CFAP54: variants seen among roughly 807,000 people sequenced by gnomAD.
The protein encoded by CFAP54 is cilia- and flagella-associated protein 54.
In CFAP54, 290 loss-of-function variants were observed where a neutral mutation model predicts 370.4. The ratio of observed to expected loss-of-function variants is 0.78; its 90% CI spans 0.71 to 0.86. The LOEUF is 0.86. Ranked by LOEUF, CFAP54 falls within the 40% of genes least tolerant of loss-of-function variation. The pLI is 0.00. For synonymous variants in CFAP54, 1,206 were observed against 1,236.5 expected (o/e 0.98, Z 0.52); for missense variants, 3,399 against 3,528.7 (o/e 0.96, Z 0.93).
chr12:96,794,904 G>C (rs1019276992), intron 63 of CFAP54, among the ~76,000 whole-genome samples: 5 of 152,184 alleles, frequency 3.3e-5, no homozygotes, highest in African/African-American at 1.2e-4. Context: ...AGGGGCTTCT[G>C]TTGAGATTCT....
chr12:96,786,745 GT>G lies in CFAP54; in HGVS notation c.8528del (p.Leu2843Ter), dbSNP rs1958633600. The G allele has an allele frequency of 6.5e-7, 1 of 1,535,836 alleles. No individual in the cohort carries two copies. The highest frequency in any genetic ancestry group is 8.7e-7 in the Non-Finnish European group (1 of 1,146,856). On this transcript the variant is annotated frameshift_variant, in exon 62 of 68. Transcript: ENST00000524981. LOFTEE classifies it high-confidence loss of function. ...TTCTCACATCCCTTTACAACTCTGA[GT>G]TGATTTTGCGCCAGAAAGAAGTGCA... ...TLLTSLYNSE[L>X]ILRQKEVHFF...
At chr12:96,590,327 A>G (rs1181684090) in intron 23 of CFAP54, among the ~76,000 whole-genome samples, 3 of 152,144 alleles carry the variant, frequency 2.0e-5, no homozygotes, top group African/African-American at 7.2e-5. Flanking sequence ...TAAAATTACT[A>G]TCCTTCGTCT....
intron 65 of CFAP54, among the ~76,000 whole-genome samples, chr12:96,826,802 A>G (rs1959115757): frequency 8.8e-6 from 1 of 113,506 alleles, no homozygotes; most frequent in Non-Finnish European, 1.6e-5. Flanking sequence ...ATATATAATT[A>G]TATATTATAC....
At chr12:96,672,034 A>C (rs12425901) in intron 39 of CFAP54, among the ~76,000 whole-genome samples, 17,320 of 152,268 alleles carry the variant, frequency 0.11, 1,288 homozygotes, top group Middle Eastern at 0.22. Flanking sequence ...TTGCTTTTCA[A>C]GTAACTTAGC....
At chr12:96,553,792 G>C (rs903636306) in intron 15 of CFAP54, among the ~76,000 whole-genome samples, 1 of 151,790 alleles carries the variant, frequency 6.6e-6, no homozygotes, top group Non-Finnish European at 1.5e-5. Flanking sequence ...TCTAGTCTGA[G>C]ATTCTGAAAT....
chr12:96,500,661 C>A (rs1451464617), intron 1 of CFAP54, among the ~76,000 whole-genome samples, 173 bp from the exon 2 acceptor site: 1 of 152,110 alleles, frequency 6.6e-6, no homozygotes, highest in East Asian at 1.9e-4. Context: ...ATGCTTGGTA[C>A]ATAGGAAGCA....
rs1471203634 is a variant in CFAP54 at position 96,786,859 on chromosome 12, C to T, written c.8640C>T (p.Pro2880=). The change falls in exon 62 of 68, where the codon CCC becomes CCT. Residue 2880 remains proline (P), a synonymous_variant. Transcript: ENST00000524981. ...PKELLCQLEN[P]PLSEKDLRES... is the part of the protein sequence containing the mutation. ...AACTTCTTTGTCAACTGGAAAATCC[C>T]CCTCTTTCAGAAAAAGACTTACGTG... 1 of 1,535,014 alleles carries T rather than the reference C, an allele frequency of 6.5e-7. No individual in the cohort carries two copies. Among genetic ancestry groups the T allele is most frequent in the South Asian group, 1.2e-5 (1 of 83,900 alleles).
chr12:96,638,418 A>C (rs1310318342), intron 32 of CFAP54, among the ~76,000 whole-genome samples: 1 of 149,046 alleles, frequency 6.7e-6, no homozygotes, highest in Non-Finnish European at 1.5e-5. Context: ...TTTTTTTTTA[A>C]TTGTAGAGAT....
chr12:96,793,651 T>G (rs1043115919), intron 63 of CFAP54, among the ~76,000 whole-genome samples: 5 of 152,228 alleles, frequency 3.3e-5, no homozygotes, highest in Admixed American at 6.5e-5. Context: ...ATAGTGGTTG[T>G]ACTAGTTTAC....
intron 49 of CFAP54, among the ~76,000 whole-genome samples, chr12:96,719,332 A>G (rs915617860): frequency 3.9e-5 from 6 of 152,222 alleles, no homozygotes; most frequent in African/African-American, 1.4e-4. Context: ...GTTCTTAAAC[A>G]TTATACTGAA....
At chr12:96,849,211 G>T (rs774185009) in intron 66 of CFAP54, among the ~76,000 whole-genome samples, 46 of 152,320 alleles carry the variant, frequency 3.0e-4, no homozygotes, top group Non-Finnish European at 6.0e-4. Flanking sequence ...ATGTGAGAAT[G>T]CTGGATGAAA....
Position 96,833,649 on chromosome 12 carries a change from T to C in CFAP54, c.9171+4561T>C, listed in dbSNP as rs768009654. On this transcript the variant is annotated intron_variant, in intron 66 of 67. Coordinates refer to ENST00000524981, the MANE Select transcript of CFAP54 (RefSeq NM_001306084.2). ...TGTTATCCTAGGTCAAGATATCAGA[T>C]GTATTATATAAGGAGATTGCAAAGC... Among the ~76,000 whole-genome samples, 15 of 152,142 alleles carry C rather than the reference T, an allele frequency of 9.9e-5. 1 individual carries two copies. Among genetic ancestry groups the C allele is most frequent in the African/African-American group, 2.6e-4 (11 of 41,514 alleles).
intron 30 of CFAP54, among the ~76,000 whole-genome samples, chr12:96,628,419 T>C (rs1367564995): frequency 6.6e-6 from 1 of 152,112 alleles, no homozygotes; most frequent in African/African-American, 2.4e-5. Context: ...GCAAAGACTG[T>C]AGTCTAAATG....
chr12:96,833,971 T>G (rs1302131955), intron 66 of CFAP54, among the ~76,000 whole-genome samples: 1 of 152,206 alleles, frequency 6.6e-6, no homozygotes, highest in African/African-American at 2.4e-5. Context: ...ATAGGAAAAT[T>G]TAGCAGAATG....
At position 96,644,266 on chromosome 12, in the gene CFAP54, A is replaced by G. The variant is rs560242361; in HGVS notation, c.4405A>G (p.Arg1469Gly). Residue 1469 changes from arginine (R) to glycine (G), a missense_variant, in exon 33 of 68, where the codon AGG becomes GGG. Coordinates refer to ENST00000524981, the MANE Select transcript of CFAP54 (RefSeq NM_001306084.2). ...AATATTAAGTTATGTTAAAAGAAAG[A>G]GGTTCCATCGTCTATCACTTGAAGA... ...PLILSYVKRK[R>G]FHRLSLEEMP... 1 of 1,535,864 alleles carries G rather than the reference A, an allele frequency of 6.5e-7. No individual in the cohort carries two copies. Among genetic ancestry groups the G allele is most frequent in the African/African-American group, 1.4e-5 (1 of 73,152 alleles).
At chr12:96,585,004 C>T (rs960567079) in intron 22 of CFAP54, among the ~76,000 whole-genome samples, 3 of 151,544 alleles carry the variant, frequency 2.0e-5, no homozygotes, top group Admixed American at 6.6e-5. Context: ...GATTGGCCCA[C>T]CCAGTATAAT....
At chr12:96,615,847 A>C (rs1213321361) in intron 26 of CFAP54, among the ~76,000 whole-genome samples, 1 of 152,246 alleles carries the variant, frequency 6.6e-6, no homozygotes, top group African/African-American at 2.4e-5. Flanking sequence ...GGTGATCATT[A>C]AAAAGTCAGG....
At chr12:96,671,703 C>A (rs1230335028) in intron 39 of CFAP54, among the ~76,000 whole-genome samples, 3 of 152,156 alleles carry the variant, frequency 2.0e-5, no homozygotes, top group Non-Finnish European at 2.9e-5. Context: ...GAGTGGATTG[C>A]TTGAGGTCAG....
Position 96,644,173 on chromosome 12 carries a change from G to A in CFAP54, c.4317-5G>A, listed in dbSNP as rs1305576692. The A allele has an allele frequency of 4.6e-6, 7 of 1,512,902 alleles. No homozygotes were observed. The highest frequency in any genetic ancestry group is 2.8e-5 in the African/African-American group (2 of 72,204). 93.7% of individuals were successfully genotyped at this position (1,512,902 alleles called of 1,614,324 possible). A position where few individuals can be genotyped will look rare whatever the true frequency, so the allele number is the denominator to read the frequency against. On this transcript the variant is annotated splice_polypyrimidine_tract_variant and splice_region_variant and intron_variant, in intron 32 of 67. Transcript: ENST00000524981. The stretch of plus-strand genomic sequence containing the variant: ...TAATTTCAAAACTTCTTTCTCCCTT[G>A]GCAGAAATAGGAGAACCAGTGTTAG...
Sources: gnomAD v4.1 joint callset for allele counts (sites outside exome capture counted in the v4.1 genomes callset) on GRCh38, gnomAD v4.1.1 for gene constraint, MANE v1.5 for transcripts, NCBI Gene and HGNC (gene_info 2026-07-23, HGNC 2026-07-21) for gene names.